RRP12: variants seen among roughly 807,000 people sequenced by gnomAD.
The protein encoded by RRP12 is RRP12-like protein.
In RRP12, 78 loss-of-function variants were observed where a neutral mutation model predicts 157.3. The ratio of observed to expected loss-of-function variants is 0.50; its 90% CI spans 0.41 to 0.60. The LOEUF is 0.60. RRP12 is among the 20% of genes least tolerant of loss of function. RRP12 has a pLI of 0.00. For missense variants in RRP12, 1,521 were observed against 1,679.9 expected, an observed-to-expected ratio of 0.91 and a Z score of 1.65; for synonymous variants, 726 against 670.9, an observed-to-expected ratio of 1.08 and a Z score of -1.27.
chr10:97,372,282 G>A, intron 19 of RRP12, 116 bp from the exon 20 acceptor site: 1 of 658,184 alleles, frequency 1.5e-6, no homozygotes, highest in Non-Finnish European at 2.6e-6. Flanking sequence ...TGAGGACAAG[G>A]GGCTTGAAGG....
At chr10:97,363,829 C>T (rs1365400520) in intron 30 of RRP12, 25 bp downstream of exon 30, 2 of 1,606,112 alleles carry the variant, frequency 1.2e-6, no homozygotes, top group African/African-American at 1.3e-5. Flanking sequence ...GAAGCCCTAG[C>T]CCCCCATCTG....
rs942744735 is a variant in RRP12, at chr10:97,373,732, C to G, written c.1869G>C (p.Trp623Cys). 2.7e-5 allele frequency: 43 copies of G among 1,612,408 alleles called. No homozygotes were observed. Among genetic ancestry groups the G allele is most frequent in the Non-Finnish European group, 3.5e-5 (41 of 1,178,794 alleles). The stretch of plus-strand genomic sequence containing the variant: ...TTGTGCAGAACCCAGGCAGGAGTGT[C>G]CACATCTGGAGAAGGAGGGGACAAT... ...KIYDTLQWQM[W>C]TLLPGFCTRP... is the part of the protein sequence containing the mutation. The change falls in exon 17 of 34, where the codon TGG (tryptophan) becomes TGC (cysteine). Residue 623 changes from tryptophan to cysteine, a missense_variant. Transcript: ENST00000370992.
chr10:97,367,213 C>T, intron 25 of RRP12, 81 bp from the exon 26 acceptor site: 1 of 1,223,844 alleles, frequency 8.2e-7, no homozygotes, highest in Non-Finnish European at 1.2e-6. Context: ...CCCAGGGACG[C>T]AGCATGATCA....
rs75635504 is a variant in RRP12 at position 97,369,591 on chromosome 10, G to A, written c.2798-9C>T. 3.9e-6 allele frequency: 6 copies of A among 1,554,412 alleles called. No individual in the cohort carries two copies. The highest frequency in any genetic ancestry group is 5.2e-6 in the Non-Finnish European group (6 of 1,148,596). On this transcript the variant is annotated splice_polypyrimidine_tract_variant and intron_variant, in intron 24 of 33. Coordinates refer to ENST00000370992, the MANE Select transcript of RRP12 (RefSeq NM_015179.4). ...ACTGGTCCCCATCAGACCTGTGGCA[G>A]TGAGGGGGTCACTGTCTAAGACACC...
chr10:97,366,374 C>T, intron 28 of RRP12, 72 bp downstream of exon 28: 2 of 1,555,952 alleles, frequency 1.3e-6, no homozygotes, highest in South Asian at 1.2e-5. Context: ...ATGCCACCCC[C>T]TACCCACCAC....
chr10:97,366,028 T>C, intron 29 of RRP12, 80 bp downstream of exon 29: 1 of 1,585,732 alleles, frequency 6.3e-7, no homozygotes, highest in Non-Finnish European at 8.6e-7. Flanking sequence ...TGGTCTGTTT[T>C]TAGCCACGCT....
chr10:97,372,505 G>A (rs1844184715), intron 19 of RRP12, among the ~76,000 whole-genome samples: 2 of 152,184 alleles, frequency 1.3e-5, no homozygotes, highest in Non-Finnish European at 2.9e-5. Flanking sequence ...GACGGGGCTG[G>A]GATCAGAACC....
chr10:97,366,969 A>G, intron 26 of RRP12, 60 bp from the exon 27 acceptor site: 3 of 1,609,196 alleles, frequency 1.9e-6, no homozygotes, highest in Non-Finnish European at 2.6e-6. Context: ...ACCCAGATGT[A>G]GTGTCCCTGG....
intron 33 of RRP12, among the ~76,000 whole-genome samples, chr10:97,357,896 T>C (rs531405750): frequency 6.6e-6 from 1 of 151,392 alleles, no homozygotes; most frequent in East Asian, 1.9e-4. Context: ...GAGGCAGAGC[T>C]TGCAGTAAGC....
Position 97,380,847 on chromosome 10 carries a change from A to G in RRP12, c.1485T>C (p.Cys495=), listed in dbSNP as rs774924692. 22 of 1,614,194 alleles carry G rather than the reference A, an allele frequency of 1.4e-5. No individual in the cohort carries two copies. In the South Asian group the frequency reaches 2.4e-4, roughly 18 times the overall value. ...GTCTCCCACACGCCTCGAAGAAGAC[A>G]CACAGCAGCTGCAACACGGAGCTCC... The part of the protein sequence containing the change: ...AAWSSVLQLL[C]VFFEACGRQA... Residue 495 remains cysteine, a synonymous_variant, in exon 13 of 34, where the codon TGT becomes TGC. Coordinates refer to ENST00000370992, the MANE Select transcript of RRP12 (RefSeq NM_015179.4).
chr10:97,387,069 T>G (rs1014550565), intron 8 of RRP12, among the ~76,000 whole-genome samples: 1 of 151,994 alleles, frequency 6.6e-6, no homozygotes, highest in African/African-American at 2.4e-5. Flanking sequence ...CCCATGGACA[T>G]AAAAATCTAC....
rs781008301 is a variant in RRP12, at chr10:97,370,904, G to A, written c.2502+19C>T. On this transcript the variant is annotated intron_variant, in intron 21 of 33. Coordinates refer to ENST00000370992, the MANE Select transcript of RRP12 (RefSeq NM_015179.4). ...TGCCCAGGCTCCCTCGGCAGAGCGGGTGGCCCTAGAGCCCTCACCCTCTTG... is the reference window on the plus strand; with the variant it reads ...TGCCCAGGCTCCCTCGGCAGAGCGGATGGCCCTAGAGCCCTCACCCTCTTG... 8.1e-6 allele frequency: 13 copies of A among 1,613,236 alleles called. No homozygotes were observed. Among genetic ancestry groups the A allele is most frequent in the Non-Finnish European group, 1.1e-5 (13 of 1,179,592 alleles).
rs767488409 is a variant in RRP12, at chr10:97,373,571, G to GT, written c.2026+3dup. 3.1e-6 allele frequency: 5 copies of GT among 1,593,222 alleles called. No homozygotes were observed. Among genetic ancestry groups the GT allele is most frequent in the Non-Finnish European group, 4.3e-6 (5 of 1,167,180 alleles). The stretch of plus-strand genomic sequence containing the variant: ...CAGCCCCCACTCCCACAGCCCACAC[G>GT]TACCTGCCTGGCAGCCCTTGGTGAT... On this transcript the variant is annotated splice_donor_region_variant and intron_variant, in intron 17 of 33. Transcript: ENST00000370992.
chr10:97,359,723 C>T (rs1843794548), intron 31 of RRP12, among the ~76,000 whole-genome samples: 1 of 152,240 alleles, frequency 6.6e-6, no homozygotes, highest in Non-Finnish European at 1.5e-5. Flanking sequence ...CAAGGTCAAA[C>T]AGCTAAGCAG....
chr10:97,390,780 A>T lies in RRP12; in HGVS notation c.595T>A (p.Ser199Thr), dbSNP rs775941993. Reference sequence around the variant, plus strand: ...GTGGAGCCGCTGCTGGCCTGAGCTGACATGATATCCATGAAGGCTTTGGAG... The same window carrying T: ...GTGGAGCCGCTGCTGGCCTGAGCTGTCATGATATCCATGAAGGCTTTGGAG... Reference protein sequence around the residue: ...DTSKAFMDIMSAQASSGSTSV... With the variant: ...DTSKAFMDIMTAQASSGSTSV... The change falls in exon 5 of 34, where the codon TCA becomes ACA. Residue 199 changes from serine (S) to threonine (T), a missense_variant. Ser to Thr is a moderately conservative substitution (Grantham distance 58, BLOSUM62 1). Coordinates refer to ENST00000370992, the MANE Select transcript of RRP12 (RefSeq NM_015179.4). The T allele has an allele frequency of 6.2e-7, 1 of 1,614,064 alleles. No individual in the cohort carries two copies. Among genetic ancestry groups the T allele is most frequent in the South Asian group, 1.1e-5 (1 of 91,076 alleles).
intron 20 of RRP12, chr10:97,371,305 C>G: frequency 1.7e-6 from 1 of 592,540 alleles, no homozygotes; most frequent in Non-Finnish European, 3.0e-6. Context: ...TCCACTCACC[C>G]AGCTCTGGAC....
intron 2 of RRP12, among the ~76,000 whole-genome samples, chr10:97,397,110 A>G (rs1844986090): frequency 6.6e-6 from 1 of 152,014 alleles, no homozygotes; most frequent in Non-Finnish European, 1.5e-5. Context: ...AACACCTAAC[A>G]CAATGTAAAT....
intron 13 of RRP12, 116 bp downstream of exon 13, chr10:97,380,683 G>A (rs1287229437): frequency 4.1e-6 from 3 of 736,872 alleles, no homozygotes; most frequent in Admixed American, 2.2e-5. Context: ...CTATGGCCCT[G>A]TCAGGGTGGG....
At position 97,394,406 on chromosome 10, in the gene RRP12, T is replaced by C. The variant is rs555040757; in HGVS notation, c.454-646A>G. Among the ~76,000 whole-genome samples the C allele has an allele frequency of 2.8e-4, 42 of 152,298 alleles. 1 individual carries two copies. The highest frequency in any genetic ancestry group is 9.4e-4 in the African/African-American group (39 of 41,572). ...GCATATATATACAGAGATAGATAGA[T>C]AGTTTTTTTGAGAGACAGGGTCTCC... On this transcript the variant is annotated intron_variant, in intron 3 of 33. Transcript: ENST00000370992.
Sources: gnomAD v4.1 joint callset for allele counts (sites outside exome capture counted in the v4.1 genomes callset) on GRCh38, gnomAD v4.1.1 for gene constraint, MANE v1.5 for transcripts, NCBI Gene and HGNC (gene_info 2026-07-23, HGNC 2026-07-21) for gene names.